CDH19: variants seen among roughly 807,000 people sequenced by gnomAD.
CDH19 encodes the protein cadherin-19.
In CDH19, 67 loss-of-function variants were observed where a neutral mutation model predicts 64.2. The ratio of observed to expected loss-of-function variants is 1.04; its 90% CI spans 0.86 to 1.28. The LOEUF is 1.28. Ranked by LOEUF, CDH19 falls within the 50% of genes most tolerant of loss-of-function variation. The probability of loss-of-function intolerance (pLI) is 0.00; values close to 1 mark genes in which losing one functional copy is unlikely to be tolerated. For synonymous variants in CDH19, 346 were observed against 319.3 expected (o/e 1.08, Z -0.89); for missense variants, 1,030 against 929.0 (o/e 1.11, Z -1.41).
Position 66,519,482 on chromosome 18 carries a change from A to T in CDH19, c.1459-7797T>A, listed in dbSNP as rs143474479. Among the ~76,000 whole-genome samples, 7 of 152,252 alleles carry T rather than the reference A, an allele frequency of 4.6e-5. No homozygotes were observed. In the East Asian group the frequency reaches 1.4e-3, roughly 29 times the overall value. On this transcript the variant is annotated intron_variant, in intron 9 of 11. Coordinates refer to ENST00000262150, the MANE Select transcript of CDH19 (RefSeq NM_021153.4). Reference sequence around the variant, plus strand: ...GGGGTAGTGTGGATGAGTGATAGAGATCTTCAGCTATTGCACTGTGTAATC... The same window carrying T: ...GGGGTAGTGTGGATGAGTGATAGAGTTCTTCAGCTATTGCACTGTGTAATC...
intron 1 of CDH19, among the ~76,000 whole-genome samples, chr18:66,579,987 T>C (rs992830122): frequency 2.0e-5 from 3 of 152,016 alleles, no homozygotes; most frequent in African/African-American, 7.2e-5. Context: ...GGCAAAACCA[T>C]TGTGGTAAAT....
At chr18:66,506,551 A>G (rs1035424454) in intron 11 of CDH19, among the ~76,000 whole-genome samples, 5 of 152,038 alleles carry the variant, frequency 3.3e-5, no homozygotes, top group African/African-American at 1.2e-4. Context: ...ACTATCATGC[A>G]TTTGAATCAT....
At chr18:66,542,739 C>T (rs956206077) in intron 7 of CDH19, among the ~76,000 whole-genome samples, 3 of 151,928 alleles carry the variant, frequency 2.0e-5, no homozygotes, top group African/African-American at 4.8e-5. Flanking sequence ...GTCTGAGCTC[C>T]GCCTCTTCTC....
At chr18:66,556,882 T>C (rs1017289680) in intron 3 of CDH19, among the ~76,000 whole-genome samples, 4 of 151,868 alleles carry the variant, frequency 2.6e-5, no homozygotes, top group Non-Finnish European at 5.9e-5. Flanking sequence ...TTCACACTTG[T>C]TAGGATGTCT....
At chr18:66,511,837 A>G (rs1055551652) in intron 9 of CDH19, 152 bp from the exon 10 acceptor site, 8 of 573,020 alleles carry the variant, frequency 1.4e-5, no homozygotes, top group African/African-American at 2.0e-5. Context: ...GAATATTAAA[A>G]TGTTTTTTCT....
At position 66,504,721 on chromosome 18, in the gene CDH19, C is replaced by T; in HGVS notation, c.*91G>A. 4 of 1,362,772 alleles carry T rather than the reference C, an allele frequency of 2.9e-6. No individual in the cohort carries two copies. The highest frequency in any genetic ancestry group is 4.0e-6 in the Non-Finnish European group (4 of 1,006,158). The allele number at this position is 1,362,772 out of a possible 1,614,324, so 84.4% of individuals were successfully genotyped here. On this transcript the variant is annotated 3_prime_UTR_variant, in exon 12 of 12. Coordinates refer to ENST00000262150, the MANE Select transcript of CDH19 (RefSeq NM_021153.4). ...AAAACTCCATAGACTAGGGCTTTCC[C>T]CGCCATAGAGCCAGGGCACAAAACT...
At chr18:66,595,512 GAA>G (rs55914622) in intron 1 of CDH19, among the ~76,000 whole-genome samples, 1,830 of 84,088 alleles carry the variant, frequency 0.022, 22 homozygotes, top group African/African-American at 0.063. Flanking sequence ...CGGCCCCACA[GAA>G]AAAAAAAAAA....
chr18:66,590,128 G>C lies in CDH19; in HGVS notation c.-113+13826C>G, dbSNP rs144921646. On this transcript the variant is annotated intron_variant, in intron 1 of 11. Coordinates refer to ENST00000262150, the MANE Select transcript of CDH19 (RefSeq NM_021153.4). ...ACAGAAACACAGAATCATTTCAAAA[G>C]CTTGACAAAACAGATAATCCCACTC... Among the ~76,000 whole-genome samples the C allele has an allele frequency of 5.7e-4, 87 of 151,858 alleles. 2 individuals are homozygous for C. The highest frequency in any genetic ancestry group is 2.0e-3 in the African/African-American group (82 of 41,500).
At chr18:66,543,930 T>C (rs375558814) in intron 7 of CDH19, 41 bp downstream of exon 7, 76 of 1,395,778 alleles carry the variant, frequency 5.4e-5, no homozygotes, top group Non-Finnish European at 7.0e-5. Flanking sequence ...CTATTTTATA[T>C]TTACTTATTT....
chr18:66,525,433 G>T (rs1986184143), intron 9 of CDH19, among the ~76,000 whole-genome samples: 1 of 151,972 alleles, frequency 6.6e-6, no homozygotes, highest in Non-Finnish European at 1.5e-5. Flanking sequence ...GAGATTAACA[G>T]CACTTTAAAA....
intron 2 of CDH19, among the ~76,000 whole-genome samples, chr18:66,571,169 TA>T (rs1988090781): frequency 6.6e-6 from 1 of 151,542 alleles, no homozygotes; most frequent in South Asian, 2.1e-4. Flanking sequence ...AATCCTAATC[TA>T]AGGCTTTGGT....
At chr18:66,549,694 G>T (rs187823225) in intron 5 of CDH19, among the ~76,000 whole-genome samples, 1 of 152,166 alleles carries the variant, frequency 6.6e-6, no homozygotes, top group East Asian at 1.9e-4. Flanking sequence ...TGAGATTTGT[G>T]ATATTTATTG....
chr18:66,542,258 C>A (rs1986916276), intron 7 of CDH19, among the ~76,000 whole-genome samples: 1 of 152,048 alleles, frequency 6.6e-6, no homozygotes, highest in Admixed American at 6.6e-5. Context: ...ATTTTATGAA[C>A]TGGAACTATA....
intron 1 of CDH19, among the ~76,000 whole-genome samples, chr18:66,601,322 T>C (rs891775768): frequency 6.6e-6 from 1 of 151,888 alleles, no homozygotes; most frequent in Admixed American, 6.6e-5. Flanking sequence ...TCCACAGGAA[T>C]GACATTTCTA....
At chr18:66,549,393 A>T (rs73539785) in intron 5 of CDH19, among the ~76,000 whole-genome samples, 10 of 152,134 alleles carry the variant, frequency 6.6e-5, no homozygotes, top group African/African-American at 2.2e-4. Context: ...AAATCCAGAC[A>T]CTATTTCCCA....
chr18:66,591,591 T>C, intron 1 of CDH19, among the ~76,000 whole-genome samples: 1 of 151,960 alleles, frequency 6.6e-6, no homozygotes, highest in Non-Finnish European at 1.5e-5. Context: ...ACTAAGAGAG[T>C]TTAGATAGAA....
Position 66,595,512 on chromosome 18 carries a change from G to GAA in CDH19, c.-113+8440_-113+8441dup, listed in dbSNP as rs55914622. On this transcript the variant is annotated intron_variant, in intron 1 of 11. Transcript: ENST00000262150. Reference sequence around the variant, plus strand: ...AGGGGACATTACCACCGGCCCCACAGAAAAAAAAAAAAAAAAAAAAAACCT... The same window carrying GAA: ...AGGGGACATTACCACCGGCCCCACAGAAAAAAAAAAAAAAAAAAAAAAAACCT... 1.6e-3 allele frequency among the ~76,000 whole-genome samples: 138 copies of GAA among 84,062 alleles called. 1 individual carries two copies. Among genetic ancestry groups the GAA allele is most frequent in the Middle Eastern group, 8.5e-3 (1 of 118 alleles). The allele number at this position is 84,062 out of a possible 152,430, so 55.1% of individuals were successfully genotyped here. A position where few individuals can be genotyped will look rare whatever the true frequency, so the allele number is the denominator to read the frequency against.
chr18:66,544,719 C>T lies in CDH19; in HGVS notation c.960G>A (p.Lys320=). The change falls in exon 6 of 12, where the codon AAG becomes AAA. Residue 320 remains lysine (K), a splice_region_variant and synonymous_variant. Transcript: ENST00000262150. ...AGGCAAATAATTTTAACATGTCTAC[C>T]TTTTTTAATATAACTATTCCTTCTT... is the stretch of plus-strand genomic sequence containing the variant. ...ETQEGIVILK[K]KVDFEHQNHY... The T allele has an allele frequency of 2.5e-6, 4 of 1,586,302 alleles. No individual in the cohort carries two copies. Among genetic ancestry groups the T allele is most frequent in the African/African-American group, 1.3e-5 (1 of 74,132 alleles).
At chr18:66,574,695 C>T (rs1482901961) in intron 1 of CDH19, among the ~76,000 whole-genome samples, 1 of 151,576 alleles carries the variant, frequency 6.6e-6, no homozygotes, top group East Asian at 1.9e-4. Flanking sequence ...TTTAACAAAA[C>T]TTAAGCACAG....
Sources: allele counts gnomAD v4.1 joint callset (sites outside exome capture counted in the v4.1 genomes callset), GRCh38; gene constraint gnomAD v4.1.1; transcripts MANE v1.5; gene names NCBI Gene and HGNC (gene_info 2026-07-23, HGNC 2026-07-21).